Variants in SPECC1 observed in about 807,000 individuals in gnomAD.
SPECC1 encodes the protein sperm antigen with calponin homology and coiled-coil domains 1.
SPECC1 carries 62 observed loss-of-function variants against 104.1 expected under a neutral mutation model. The ratio of observed to expected loss-of-function variants is 0.60; its 90% confidence interval spans 0.49 to 0.74. SPECC1 has a LOEUF of 0.74. SPECC1 is among the 30% of genes least tolerant of loss of function. The pLI is 0.00. For synonymous variants in SPECC1, 513 were observed against 501.6 expected, an observed-to-expected ratio of 1.02 and a Z score of -0.30; for missense variants, 1,306 against 1,310.5, an observed-to-expected ratio of 1.00 and a Z score of 0.05.
At chr17:20,300,779 G>C (rs1000306678) in intron 13 of SPECC1, among the ~76,000 whole-genome samples, 5 of 152,210 alleles carry the variant, frequency 3.3e-5, no homozygotes, top group African/African-American at 1.2e-4. Flanking sequence ...CTACATGCAG[G>C]GTTGAATTTC....
intron 1 of SPECC1, among the ~76,000 whole-genome samples, chr17:20,028,302 G>T (rs2044678532): frequency 6.6e-6 from 1 of 151,398 alleles, no homozygotes; most frequent in Admixed American, 6.6e-5. Flanking sequence ...GATCATCCCA[G>T]ACCTATTTGT....
intron 3 of SPECC1, among the ~76,000 whole-genome samples, chr17:20,144,101 G>C (rs961971761): frequency 2.6e-5 from 4 of 152,110 alleles, no homozygotes; most frequent in African/African-American, 9.7e-5. Context: ...AAATACTGCG[G>C]GAACTTTGCA....
chr17:20,288,331 A>G (rs2151698890), intron 12 of SPECC1, among the ~76,000 whole-genome samples: 1 of 152,204 alleles, frequency 6.6e-6, no homozygotes, highest in East Asian at 1.9e-4. Flanking sequence ...GCTGGGTCAA[A>G]TGGTTTTTCT....
At chr17:20,255,990 G>C (rs1221068814) in intron 10 of SPECC1, among the ~76,000 whole-genome samples, 2 of 151,834 alleles carry the variant, frequency 1.3e-5, no homozygotes, top group Non-Finnish European at 1.5e-5. Context: ...CCATTCTCCT[G>C]CCTCAGCCTC....
intron 3 of SPECC1, chr17:20,155,902 G>A (rs1167642740): frequency 4.2e-6 from 5 of 1,189,504 alleles, no homozygotes; most frequent in East Asian, 3.5e-5. Flanking sequence ...TGCAGATGAC[G>A]GGGGCGGGCC....
intron 3 of SPECC1, among the ~76,000 whole-genome samples, chr17:20,158,191 G>A (rs2032780310): frequency 6.6e-6 from 1 of 152,146 alleles, no homozygotes; most frequent in African/African-American, 2.4e-5. Flanking sequence ...ATCTCAACAA[G>A]TGCTTCCGAG....
At chr17:20,017,109 A>C (rs1316360139) in intron 1 of SPECC1, 2 of 152,252 alleles carry the variant, frequency 1.3e-5, no homozygotes, top group Non-Finnish European at 2.9e-5. Context: ...GTGTGGCCAG[A>C]TAAGAGAATA....
At chr17:20,208,473 T>G (rs1659578240) in intron 4 of SPECC1, among the ~76,000 whole-genome samples, 1 of 152,224 alleles carries the variant, frequency 6.6e-6, no homozygotes, top group African/African-American at 2.4e-5. Context: ...GACTATCAAG[T>G]AATCTGCCAA....
intron 3 of SPECC1, chr17:20,155,986 C>T: frequency 7.9e-7 from 1 of 1,271,564 alleles, no homozygotes. Context: ...CGAGGGCGGG[C>T]TTGATGCAGA....
intron 1 of SPECC1, among the ~76,000 whole-genome samples, chr17:20,025,806 C>T (rs1209669575): frequency 6.6e-6 from 1 of 152,192 alleles, no homozygotes; most frequent in Non-Finnish European, 1.5e-5. Flanking sequence ...AAAGTGGCTG[C>T]ATCACTTTAC....
intron 3 of SPECC1, among the ~76,000 whole-genome samples, chr17:20,154,695 TA>T (rs1476521364): frequency 6.6e-6 from 1 of 152,152 alleles, no homozygotes; most frequent in African/African-American, 2.4e-5. Context: ...ACTCTCACTG[TA>T]TGTGCAGAAT....
intron 3 of SPECC1, among the ~76,000 whole-genome samples, chr17:20,136,444 T>A (rs2029983454): frequency 7.1e-6 from 1 of 141,086 alleles, no homozygotes. Flanking sequence ...AAAAAAAAAA[T>A]CTGTCTTTTC....
chr17:20,010,145 T>C (rs1191915978), intron 1 of SPECC1: 2 of 119,994 alleles, frequency 1.7e-5, no homozygotes, highest in Non-Finnish European at 3.3e-5. Flanking sequence ...ATGTGCTTGC[T>C]TTTTTTTTTT....
chr17:20,293,615 G>T, intron 12 of SPECC1, among the ~76,000 whole-genome samples: 1 of 152,192 alleles, frequency 6.6e-6, no homozygotes, highest in African/African-American at 2.4e-5. Flanking sequence ...GCAAGAAGAG[G>T]AAGAGCTCCT....
intron 3 of SPECC1, among the ~76,000 whole-genome samples, chr17:20,195,269 T>TA (rs911570621): frequency 2.0e-5 from 3 of 152,190 alleles, no homozygotes; most frequent in African/African-American, 7.2e-5. Context: ...CTCTGGATGA[T>TA]AAAAAGCTTT....
Position 20,235,621 on chromosome 17 carries a change from A to G in SPECC1, c.2351+3216A>G, listed in dbSNP as rs144122973. ...CAGGCTTCTCAAGCAGCATCAGGGA[A>G]AGACCTCTGTGTTTGTGGCATTTGT... On this transcript the variant is annotated intron_variant, in intron 7 of 14. Coordinates refer to ENST00000395527, the MANE Select transcript of SPECC1 (RefSeq NM_001243439.2). Among the ~76,000 whole-genome samples, 29 of 152,314 alleles carry G rather than the reference A, an allele frequency of 1.9e-4. No individual in the cohort carries two copies. The East Asian group carries it at 5.2e-3, about 27-fold the overall frequency.
chr17:20,025,173 G>T (rs546007028), intron 1 of SPECC1, among the ~76,000 whole-genome samples: 1 of 152,148 alleles, frequency 6.6e-6, no homozygotes, highest in African/African-American at 2.4e-5. Flanking sequence ...ATGTGAAGAC[G>T]CAGGGAGAAG....
chr17:20,296,901 A>C, intron 12 of SPECC1, 60 bp from the exon 13 acceptor site: 1 of 1,454,520 alleles, frequency 6.9e-7, no homozygotes, highest in South Asian at 1.2e-5. Context: ...AATCTTCCTC[A>C]TCTGTGATAC....
intron 3 of SPECC1, among the ~76,000 whole-genome samples, chr17:20,160,107 A>G (rs886799824): frequency 6.6e-6 from 1 of 152,264 alleles, no homozygotes; most frequent in Non-Finnish European, 1.5e-5. Context: ...TGCAAATTAC[A>G]TGAAATAAAA....
Sources: allele counts gnomAD v4.1 joint callset (sites outside exome capture counted in the v4.1 genomes callset), GRCh38; gene constraint gnomAD v4.1.1; transcripts MANE v1.5; gene names NCBI Gene and HGNC (gene_info 2026-07-23, HGNC 2026-07-21).